LRRC37A: variants seen among roughly 807,000 people sequenced by gnomAD.
The protein encoded by LRRC37A is leucine rich repeat containing 37A, also known as leucine-rich repeat-containing protein 37A.
LRRC37A carries 3 observed loss-of-function variants against 35.4 expected under a neutral mutation model. The observed-to-expected ratio is 0.08, with a 90% CI of 0.04 to 0.22. LRRC37A has a LOEUF of 0.22. LRRC37A is among the 10% of genes least tolerant of loss of function. LRRC37A has a pLI of 1.00. For missense variants in LRRC37A, 67 were observed against 565.3 expected (o/e 0.12, Z 8.94); for synonymous variants, 23 against 215.0 (o/e 0.11, Z 7.81).
At chr17:46,256,337 A>C in the LRRC37A span, among the ~76,000 whole-genome samples, 7 of 152,258 alleles carry the variant, frequency 4.6e-5, no homozygotes, top group Middle Eastern at 3.4e-3. Flanking sequence ...GTGAGCCCAG[A>C]TCATGTCATT....
chr17:46,301,003 TG>T lies in LRRC37A; in HGVS notation c.2681+1141del, dbSNP rs1423385590. ...TCATTTCCCAACACCTTTTCACCGC[TG>T]GGTATTCTCCAACATTTTGCTGAAG... On this transcript the variant is annotated intron_variant, in intron 2 of 13. Transcript: ENST00000320254. 7.5e-5 allele frequency among the ~76,000 whole-genome samples: 6 copies of T among 79,494 alleles called. 2 individuals are homozygous for T. Among genetic ancestry groups the T allele is most frequent in the African/African-American group, 1.9e-4 (6 of 31,136 alleles). 52.2% of individuals were successfully genotyped at this position (79,494 alleles called of 152,430 possible).
At chr17:46,287,904 C>T (rs145375602), upstream of LRRC37A, among the ~76,000 whole-genome samples, 176 of 152,326 alleles carry the variant, frequency 1.2e-3, 1 homozygote, top group African/African-American at 4.1e-3. Context: ...GTAACAAACG[C>T]TTATACAGTG....
chr17:46,250,268 C>A, the LRRC37A span, among the ~76,000 whole-genome samples: 1 of 148,498 alleles, frequency 6.7e-6, no homozygotes, highest in Non-Finnish European at 1.5e-5. Context: ...GCCACTGGCT[C>A]CCAAATCACG....
chr17:46,253,213 C>G, the LRRC37A span, among the ~76,000 whole-genome samples: 2 of 147,058 alleles, frequency 1.4e-5, no homozygotes, highest in Admixed American at 6.9e-5. Context: ...GAGGCGCTCC[C>G]CACATCTCAG....
At chr17:46,271,431 C>T in the LRRC37A span, among the ~76,000 whole-genome samples, 4 of 150,980 alleles carry the variant, frequency 2.6e-5, no homozygotes, top group Admixed American at 1.3e-4. Flanking sequence ...ATCCACCTGC[C>T]TTGGCCTCCC....
chr17:46,253,192 G>T, the LRRC37A span, among the ~76,000 whole-genome samples: 1 of 148,026 alleles, frequency 6.8e-6, no homozygotes, highest in Non-Finnish European at 1.5e-5. Flanking sequence ...CCCAGACGGG[G>T]CGGCGGGGCA....
At chr17:46,254,603 G>A in the LRRC37A span, among the ~76,000 whole-genome samples, 8 of 151,058 alleles carry the variant, frequency 5.3e-5, no homozygotes, top group East Asian at 2.0e-4. Flanking sequence ...GTGCAGTGGC[G>A]CGGTCTTGGC....
chr17:46,258,420 A>G, the LRRC37A span, among the ~76,000 whole-genome samples: 1 of 152,188 alleles, frequency 6.6e-6, no homozygotes, highest in Non-Finnish European at 1.5e-5. Context: ...CATGTTGGCC[A>G]GGATGGTCTT....
chr17:46,267,467 T>A, the LRRC37A span: 7 of 1,612,752 alleles, frequency 4.3e-6, no homozygotes, highest in Non-Finnish European at 5.9e-6. Context: ...AGTCCACATG[T>A]TAGTCCTGGA....
At chr17:46,273,612 T>C in the LRRC37A span, among the ~76,000 whole-genome samples, 2 of 152,236 alleles carry the variant, frequency 1.3e-5, no homozygotes, top group South Asian at 4.1e-4. Context: ...ACAAAGCTAA[T>C]ATGAGTTAGA....
the LRRC37A span, among the ~76,000 whole-genome samples, chr17:46,261,369 C>T: frequency 0.15 from 22,003 of 151,672 alleles, 2,206 homozygotes; most frequent in Non-Finnish European, 0.22. Flanking sequence ...GTGGGGGCCA[C>T]TGGGGACTGG....
chr17:46,270,926 T>G, the LRRC37A span, among the ~76,000 whole-genome samples: 2 of 152,224 alleles, frequency 1.3e-5, no homozygotes, highest in African/African-American at 2.4e-5. Flanking sequence ...TATATCTATA[T>G]GGCTAATTTC....
chr17:46,317,149 G>C (rs1181382353), intron 5 of LRRC37A, among the ~76,000 whole-genome samples: 2 of 89,242 alleles, frequency 2.2e-5, no homozygotes, highest in South Asian at 4.4e-4. Flanking sequence ...ATGGGGTGGC[G>C]GCCGGGCAGA....
rs1483385146 is a variant in LRRC37A at position 46,302,485 on chromosome 17, A to C, written c.2682-153A>C. The stretch of plus-strand genomic sequence containing the variant: ...GTGGAGAGAGATGGACACAAAAAGG[A>C]AAATATAAGAAAAGGTTTGAATGAA... On this transcript the variant is annotated intron_variant, in intron 2 of 13. Transcript: ENST00000320254. Among the ~76,000 whole-genome samples the C allele has an allele frequency of 4.7e-5, 3 of 63,808 alleles. 1 individual carries two copies. Among genetic ancestry groups the C allele is most frequent in the African/African-American group, 1.1e-4 (3 of 26,384 alleles). The allele number at this position is 63,808 out of a possible 152,430, so 41.9% of individuals were successfully genotyped here.
chr17:46,324,762 C>A lies in LRRC37A; in HGVS notation c.3053+1735C>A, dbSNP rs2051635162. On this transcript the variant is annotated intron_variant, in intron 7 of 13. Transcript: ENST00000320254. Reference sequence around the variant, plus strand: ...ACCTGAGTCAGGAGGATCACTTGAACCCAGGAAGTGGAGGTTGCAGTGAGC... The same window carrying A: ...ACCTGAGTCAGGAGGATCACTTGAAACCAGGAAGTGGAGGTTGCAGTGAGC... Among the ~76,000 whole-genome samples the A allele has an allele frequency of 2.7e-5, 2 of 74,994 alleles. 1 individual carries two copies. Among genetic ancestry groups the A allele is most frequent in the Non-Finnish European group, 7.9e-5 (2 of 25,354 alleles). The allele number at this position is 74,994 out of a possible 152,430, so 49.2% of individuals were successfully genotyped here. A position where few individuals can be genotyped will look rare whatever the true frequency, so the allele number is the denominator to read the frequency against.
At chr17:46,252,080 T>C in the LRRC37A span, among the ~76,000 whole-genome samples, 1 of 152,252 alleles carries the variant, frequency 6.6e-6, no homozygotes, top group African/African-American at 2.4e-5. Context: ...AAAGATGGAA[T>C]CCTTAGTAAA....
At chr17:46,269,996 A>G in the LRRC37A span, among the ~76,000 whole-genome samples, 1 of 152,238 alleles carries the variant, frequency 6.6e-6, no homozygotes, top group Admixed American at 6.5e-5. Context: ...TCACTAGCTA[A>G]ATTAAATATT....
At chr17:46,256,616 G>A in the LRRC37A span, among the ~76,000 whole-genome samples, 1 of 152,200 alleles carries the variant, frequency 6.6e-6, no homozygotes, top group South Asian at 2.1e-4. Flanking sequence ...ATACTGAGCT[G>A]ACTAAAACCA....
chr17:46,253,751 T>TGGGGAGAGGGAGAGGGAGGGGGAGGGGAG, the LRRC37A span, among the ~76,000 whole-genome samples: 1 of 27,254 alleles, frequency 3.7e-5, no homozygotes, highest in Non-Finnish European at 7.3e-5. Flanking sequence ...AGGGAGACCG[T>TGGGGAGAGGGAGAGGGAGGGGGAGGGGAG]GGGGAGAGGG....
Sources: gnomAD v4.1 joint callset for allele counts (sites outside exome capture counted in the v4.1 genomes callset) on GRCh38, gnomAD v4.1.1 for gene constraint, MANE v1.5 for transcripts, NCBI Gene and HGNC (gene_info 2026-07-23, HGNC 2026-07-21) for gene names.